PAX8: variants seen among roughly 807,000 people sequenced by gnomAD.
PAX8 encodes paired box protein Pax-8.
Under a neutral mutation model 52.4 loss-of-function variants are expected in PAX8, and 15 were observed. The ratio of observed to expected loss-of-function variants is 0.29; its 90% CI spans 0.19 to 0.44. The LOEUF (loss-of-function observed/expected upper bound fraction) is 0.44, where lower values mean the gene tolerates loss of function less well. PAX8 is among the 20% of genes least tolerant of loss of function. The pLI, the probability that PAX8 is intolerant of heterozygous loss-of-function variation, is 1.00. For synonymous variants in PAX8, 284 were observed against 249.7 expected (o/e 1.14, Z -1.29); for missense variants, 554 against 602.5 (o/e 0.92, Z 0.84).
intron 10 of PAX8, among the ~76,000 whole-genome samples, chr2:113,222,173 C>T (rs1174774449): frequency 6.6e-6 from 1 of 152,186 alleles, no homozygotes; most frequent in Non-Finnish European, 1.5e-5. Flanking sequence ...TCTCTTGCAT[C>T]TCCCAGTGCC....
chr2:113,246,499 GAGA>G (rs963295016), intron 3 of PAX8, among the ~76,000 whole-genome samples: 2 of 152,210 alleles, frequency 1.3e-5, no homozygotes, highest in African/African-American at 4.8e-5. Context: ...TGGAGCAAAA[GAGA>G]AGAAGGGAGA....
chr2:113,258,395 A>G (rs1692416798), intron 2 of PAX8, among the ~76,000 whole-genome samples: 1 of 151,400 alleles, frequency 6.6e-6, no homozygotes, highest in Admixed American at 6.6e-5. Context: ...TTCCCTCCTG[A>G]TTGCTGCCTC....
At chr2:113,261,049 C>T (rs1368803096) in intron 2 of PAX8, among the ~76,000 whole-genome samples, 5 of 152,108 alleles carry the variant, frequency 3.3e-5, no homozygotes, top group Admixed American at 6.5e-5. Flanking sequence ...GTGACAAAAC[C>T]GTGCATCTGT....
At chr2:113,223,023 C>G (rs1397958503) in intron 10 of PAX8, among the ~76,000 whole-genome samples, 1 of 152,060 alleles carries the variant, frequency 6.6e-6, no homozygotes, top group Non-Finnish European at 1.5e-5. Flanking sequence ...TTCTAGTAGT[C>G]TTGTCATTAA....
intron 11 of PAX8, among the ~76,000 whole-genome samples, chr2:113,219,050 G>A (rs1689133144): frequency 6.6e-6 from 1 of 152,166 alleles, no homozygotes; most frequent in Non-Finnish European, 1.5e-5. Context: ...GGGCTTGACG[G>A]CCCTTAAGGT....
rs565609564 is a variant in PAX8, at chr2:113,221,450, A to C, written c.1190-1272T>G. ...AATCCTTACTTCCCATTTCCTGGTT[A>C]TGTAAACTTGGACAAGTCACTTAGC... On this transcript the variant is annotated intron_variant, in intron 10 of 11. Coordinates refer to ENST00000429538, the MANE Select transcript of PAX8 (RefSeq NM_003466.4). 3.3e-4 allele frequency among the ~76,000 whole-genome samples: 51 copies of C among 152,304 alleles called. No individual in the cohort carries two copies. In the South Asian group the frequency reaches 0.01, roughly 31 times the overall value.
chr2:113,275,076 A>G (rs1435777447), intron 2 of PAX8: 2 of 152,206 alleles, frequency 1.3e-5, no homozygotes, highest in Non-Finnish European at 2.9e-5. Context: ...CAACAAAATT[A>G]GGCAGAGTCC....
intron 2 of PAX8, among the ~76,000 whole-genome samples, chr2:113,256,000 A>AG (rs1692221918): frequency 6.6e-6 from 1 of 151,702 alleles, no homozygotes; most frequent in Non-Finnish European, 1.5e-5. Context: ...TCAGTAAAAA[A>AG]AAAAAAAAAA....
chr2:113,216,958 C>T lies in PAX8; in HGVS notation c.*1575G>A. The T allele has an allele frequency of 4.3e-6, 1 of 230,914 alleles. No individual in the cohort carries two copies. The highest frequency in any genetic ancestry group is 8.6e-6 in the Non-Finnish European group (1 of 116,518). 14.3% of individuals were successfully genotyped at this position (230,914 alleles called of 1,614,324 possible). On this transcript the variant is annotated 3_prime_UTR_variant, in exon 12 of 12. Coordinates refer to ENST00000429538, the MANE Select transcript of PAX8 (RefSeq NM_003466.4). Reference sequence around the variant, plus strand: ...CTTAACTTATATGAAGCCTTCCATACTGTGCCTGGCACACAAGAGAGCCCA... The same window carrying T: ...CTTAACTTATATGAAGCCTTCCATATTGTGCCTGGCACACAAGAGAGCCCA...
intron 11 of PAX8, 64 bp downstream of exon 11, chr2:113,220,027 AC>A: frequency 8.3e-7 from 1 of 1,207,904 alleles, no homozygotes; most frequent in South Asian, 1.3e-5. Context: ...CCTTTGACCC[AC>A]CCTTGCCCCC....
chr2:113,226,804 T>G, intron 10 of PAX8: 1 of 1,230,140 alleles, frequency 8.1e-7, no homozygotes. Context: ...ACTCACAGTG[T>G]TTTGGGGCCC....
chr2:113,245,606 C>T (rs1251443015), intron 3 of PAX8, among the ~76,000 whole-genome samples: 1 of 152,132 alleles, frequency 6.6e-6, no homozygotes, highest in Non-Finnish European at 1.5e-5. Flanking sequence ...GGGGCCTCCA[C>T]CCTTCCCCTC....
At chr2:113,226,293 C>A in intron 10 of PAX8, 1 of 985,524 alleles carries the variant, frequency 1.0e-6, no homozygotes, top group Non-Finnish European at 1.2e-6. Context: ...TCACAGATGC[C>A]TTGTGTTCAG....
intron 7 of PAX8, chr2:113,241,250 T>G: frequency 1.9e-6 from 1 of 522,476 alleles, no homozygotes; most frequent in Non-Finnish European, 3.5e-6. Context: ...TGGAACGTGA[T>G]GTTGCAATCT....
At position 113,235,337 on chromosome 2, in the gene PAX8, G is replaced by A. The variant is rs1315821731; in HGVS notation, c.1087+57C>T. 6 of 1,449,268 alleles carry A rather than the reference G, an allele frequency of 4.1e-6. No homozygotes were observed. The African/African-American group carries it at 8.4e-5, about 20-fold the overall frequency. 89.8% of individuals were successfully genotyped at this position (1,449,268 alleles called of 1,614,324 possible). On this transcript the variant is annotated intron_variant, in intron 9 of 11. Transcript: ENST00000429538. ...AGAGGGGGCTGGCGGTCTGCCCTGAGGACCCCCGTCCCACCCGCCGCCATA... is the reference window on the plus strand; with the variant it reads ...AGAGGGGGCTGGCGGTCTGCCCTGAAGACCCCCGTCCCACCCGCCGCCATA...
intron 2 of PAX8, chr2:113,263,134 T>C (rs1692810746): frequency 6.6e-6 from 1 of 152,248 alleles, no homozygotes; most frequent in African/African-American, 2.4e-5. Context: ...AAATCCTTTC[T>C]AATAGCTTAC....
At chr2:113,267,271 C>T (rs745972511) in intron 2 of PAX8, 1 of 152,326 alleles carries the variant, frequency 6.6e-6, no homozygotes, top group Non-Finnish European at 1.5e-5. Context: ...AGTCCTGCCG[C>T]TACTGCTGCT....
chr2:113,252,682 C>T lies in PAX8; in HGVS notation c.26-5763G>A, dbSNP rs138582818. On this transcript the variant is annotated intron_variant, in intron 2 of 11. Coordinates refer to ENST00000429538, the MANE Select transcript of PAX8 (RefSeq NM_003466.4). Reference sequence around the variant, plus strand: ...TTGTCTTCCTAAGGGAAACTGTAGCCGAAAGACAGCAGCTAGGCAAAGCTG... The same window carrying T: ...TTGTCTTCCTAAGGGAAACTGTAGCTGAAAGACAGCAGCTAGGCAAAGCTG... 9.7e-4 allele frequency among the ~76,000 whole-genome samples: 148 copies of T among 152,312 alleles called. 1 individual carries two copies. The highest frequency in any genetic ancestry group is 3.3e-3 in the African/African-American group (139 of 41,566).
At chr2:113,267,288 T>C (rs1425316683) in intron 2 of PAX8, 1 of 152,280 alleles carries the variant, frequency 6.6e-6, no homozygotes, top group Non-Finnish European at 1.5e-5. Flanking sequence ...TGCTGCCCAC[T>C]TGGTAGCTCT....
Sources: gnomAD v4.1 joint callset for allele counts (sites outside exome capture counted in the v4.1 genomes callset) on GRCh38, gnomAD v4.1.1 for gene constraint, MANE v1.5 for transcripts, NCBI Gene and HGNC (gene_info 2026-07-23, HGNC 2026-07-21) for gene names.